THNSL1: variants seen among roughly 807,000 people sequenced by gnomAD.
THNSL1 encodes threonine synthase like 1, also known as threonine synthase-like 1.
THNSL1 carries 48 observed loss-of-function variants against 50.4 expected under a neutral mutation model. That is an observed-to-expected ratio of 0.95 (90% CI 0.76 to 1.21). The LOEUF (loss-of-function observed/expected upper bound fraction) is 1.21. Ranked by LOEUF, THNSL1 falls within the 50% of genes most tolerant of loss-of-function variation. The pLI is 0.00. For synonymous variants in THNSL1, 309 were observed against 306.1 expected, an observed-to-expected ratio of 1.01 and a Z score of -0.10; for missense variants, 896 against 871.7, an observed-to-expected ratio of 1.03 and a Z score of -0.35.
chr10:24,994,185 T>C, the THNSL1 span, among the ~76,000 whole-genome samples: 5 of 152,148 alleles, frequency 3.3e-5, no homozygotes, highest in African/African-American at 1.2e-4. Context: ...TAGGTCCCTG[T>C]ACATCACTAT....
chr10:24,991,612 G>C, the THNSL1 span, among the ~76,000 whole-genome samples: 551 of 152,260 alleles, frequency 3.6e-3, 5 homozygotes, highest in African/African-American at 0.012. Context: ...CCACAGAGCT[G>C]CCCGGCTCCA....
intron 1 of THNSL1, among the ~76,000 whole-genome samples, chr10:25,017,212 G>A (rs995557950): frequency 2.6e-5 from 4 of 152,154 alleles, no homozygotes; most frequent in African/African-American, 9.7e-5. Context: ...TCCAGTTTTT[G>A]GTGTCCCTTG....
At chr10:24,976,635 GC>G in the THNSL1 span, among the ~76,000 whole-genome samples, 1 of 151,950 alleles carries the variant, frequency 6.6e-6, no homozygotes, top group Non-Finnish European at 1.5e-5. Flanking sequence ...GATTACAGGT[GC>G]CTGCCACCAC....
chr10:24,952,753 T>G, the THNSL1 span: 1 of 610,582 alleles, frequency 1.6e-6, no homozygotes, highest in South Asian at 2.3e-5. The surrounding 1 kb of genome is among the most constrained non-coding windows in gnomAD (Gnocchi z 5.1). Flanking sequence ...CGCGGATCCA[T>G]GGCCCCGGCG....
the THNSL1 span, among the ~76,000 whole-genome samples, chr10:25,001,096 A>C: frequency 6.6e-6 from 1 of 152,062 alleles, no homozygotes; most frequent in Non-Finnish European, 1.5e-5. Context: ...ATTGTATTTT[A>C]AATACATTTG....
At chr10:25,007,886 A>T in the THNSL1 span, among the ~76,000 whole-genome samples, 1 of 151,668 alleles carries the variant, frequency 6.6e-6, no homozygotes, top group Non-Finnish European at 1.5e-5. Flanking sequence ...TGCCTTTTGA[A>T]TTATCCTGTC....
At chr10:24,958,802 C>T in the THNSL1 span, among the ~76,000 whole-genome samples, 1 of 152,154 alleles carries the variant, frequency 6.6e-6, no homozygotes, top group Admixed American at 6.6e-5. Flanking sequence ...CAGCAGTAAG[C>T]GCTGGGCAGT....
At chr10:24,995,843 T>C in the THNSL1 span, 3 of 1,611,058 alleles carry the variant, frequency 1.9e-6, no homozygotes, top group Non-Finnish European at 2.5e-6. Context: ...GCAGGCTTTT[T>C]GGGCACGTTC....
At chr10:24,974,014 A>G in the THNSL1 span, among the ~76,000 whole-genome samples, 2 of 152,148 alleles carry the variant, frequency 1.3e-5, no homozygotes, top group African/African-American at 4.8e-5. Flanking sequence ...TCGGCCTCCC[A>G]AGGTGCTAGG....
the THNSL1 span, among the ~76,000 whole-genome samples, chr10:24,974,805 G>C: frequency 6.6e-6 from 1 of 152,226 alleles, no homozygotes; most frequent in East Asian, 1.9e-4. Flanking sequence ...TCCATAAAGG[G>C]TGTGCCAAAG....
At chr10:24,995,529 C>G in the THNSL1 span, 4 of 932,586 alleles carry the variant, frequency 4.3e-6, no homozygotes, top group Non-Finnish European at 6.3e-6. Flanking sequence ...TGAGAATCAG[C>G]AAAGTAGACA....
chr10:24,974,101 CAGT>C, the THNSL1 span, among the ~76,000 whole-genome samples: 343 of 152,048 alleles, frequency 2.3e-3, 3 homozygotes, highest in African/African-American at 7.0e-3. Flanking sequence ...TGAATAAGCA[CAGT>C]ATGATATTAG....
At chr10:25,012,537 G>C (rs1438457360), upstream of THNSL1, among the ~76,000 whole-genome samples, 3 of 152,232 alleles carry the variant, frequency 2.0e-5, no homozygotes, top group African/African-American at 2.4e-5. Context: ...CTGGATGTGA[G>C]ACATGGAGTC....
intron 1 of THNSL1, among the ~76,000 whole-genome samples, chr10:25,020,955 T>C (rs1309984213): frequency 1.3e-5 from 2 of 152,186 alleles, no homozygotes; most frequent in African/African-American, 4.8e-5. Flanking sequence ...TACCAGAATA[T>C]GGTTTAATAA....
At chr10:24,997,514 A>G in the THNSL1 span, among the ~76,000 whole-genome samples, 3 of 151,246 alleles carry the variant, frequency 2.0e-5, no homozygotes, top group South Asian at 6.3e-4. Context: ...AGCCTCCCAT[A>G]TAGCTGGGAC....
the THNSL1 span, among the ~76,000 whole-genome samples, chr10:24,964,739 G>C: frequency 2.6e-5 from 4 of 152,226 alleles, no homozygotes; most frequent in African/African-American, 7.2e-5. Flanking sequence ...ATCCAGAAGT[G>C]AGCTTCCCTT....
Position 25,024,052 on chromosome 10 carries a change from T to TGGAAAA in THNSL1, c.830_831insGAAAAG (p.Cys277delinsTrpLysSer). On this transcript the variant is annotated protein_altering_variant, in exon 3 of 3. Coordinates refer to ENST00000376356, the MANE Select transcript of THNSL1 (RefSeq NM_024838.5). ...TGCAAAGGAGTTTCCAAAATTAAGC[T>TGGAAAA]GCGGGGAGTGGAAAAGCCTAGTAGG... The TGGAAAA allele has an allele frequency of 6.2e-7, 1 of 1,614,160 alleles. No individual in the cohort carries two copies. The highest frequency in any genetic ancestry group is 8.5e-7 in the Non-Finnish European group (1 of 1,180,010).
the THNSL1 span, among the ~76,000 whole-genome samples, chr10:24,955,474 G>A: frequency 6.6e-6 from 1 of 152,142 alleles, no homozygotes; most frequent in African/African-American, 2.4e-5. Context: ...ATAAAATGGA[G>A]CCACCCATTT....
At chr10:24,984,699 A>G in the THNSL1 span, 1 of 1,538,788 alleles carries the variant, frequency 6.5e-7, no homozygotes, top group East Asian at 2.3e-5. Context: ...TTTTTCCCCT[A>G]CATTGAAATT....
Sources: gnomAD v4.1 joint callset for allele counts (sites outside exome capture counted in the v4.1 genomes callset) on GRCh38, gnomAD v4.1.1 for gene constraint, Gnocchi (gnomAD v3.1) non-coding constraint, MANE v1.5 for transcripts, NCBI Gene and HGNC (gene_info 2026-07-23, HGNC 2026-07-21) for gene names.